The following CNGA4 variants were observed in gnomAD, a reference collection of about 807,000 sequenced individuals.
The protein encoded by CNGA4 is cyclic nucleotide-gated channel alpha-4.
In CNGA4, 32 loss-of-function variants were observed where a neutral mutation model predicts 45.6. The ratio of observed to expected loss-of-function variants is 0.70; its 90% confidence interval spans 0.53 to 0.94. The LOEUF is 0.94. Among genes scored for constraint, CNGA4 ranks in the 40% least tolerant of loss-of-function variants. The probability of loss-of-function intolerance (pLI) is 0.00; values close to 1 mark genes in which losing one functional copy is unlikely to be tolerated. For synonymous variants in CNGA4, 293 were observed against 304.6 expected (o/e 0.96, Z 0.40); for missense variants, 726 against 755.1 (o/e 0.96, Z 0.45).
In CNGA4 at chr11:6,239,111, C is replaced by G; in HGVS notation, c.-96C>G. The G allele has an allele frequency of 6.2e-7, 1 of 1,603,060 alleles. No homozygotes were observed. Among genetic ancestry groups the G allele is most frequent in the Non-Finnish European group, 8.5e-7 (1 of 1,175,236 alleles). ...CACAGCAGAAGCCCAACAGCAGCCT[C>G]CTTCAGGCAGTCAGGCACTAGTGCC... On this transcript the variant is annotated 5_prime_UTR_variant, in exon 1 of 6. Transcript: ENST00000379936.
chr11:6,235,569 C>T (rs1847821175), upstream of CNGA4: 5 of 980,266 alleles, frequency 5.1e-6, no homozygotes, highest in Non-Finnish European at 2.4e-6. Flanking sequence ...GTGTCTAAGC[C>T]GAGTCTTGGG....
rs766790692 is a variant in CNGA4, at chr11:6,241,506, G to A, written c.993G>A (p.Arg331=). 2 of 1,613,550 alleles carry A rather than the reference G, an allele frequency of 1.2e-6. No individual in the cohort carries two copies. The highest frequency in any genetic ancestry group is 1.7e-4 in the Middle Eastern group (1 of 6,060). Residue 331 remains arginine (R), a synonymous_variant, in exon 5 of 6, where the codon CGG becomes CGA. Coordinates refer to ENST00000379936, the MANE Select transcript of CNGA4 (RefSeq NM_001037329.4). ...TACAGCACTTGCCTGAGCGGCTGCG[G>A]GCAGAAGTGGCTGTGTCTGTGCACC... ...AILQHLPERL[R]AEVAVSVHLS...
upstream of CNGA4, chr11:6,238,976 G>A: frequency 7.5e-7 from 1 of 1,334,734 alleles, no homozygotes. Context: ...CTGGGCAGGT[G>A]TAAGCCCAGG....
rs1282493256 is a variant in CNGA4, at chr11:6,241,545, C to A, written c.1032C>A (p.Ser344Arg). Reference sequence around the variant, plus strand: ...TGTCTGTGCACCTGTCCACTCTGAGCCGGGTGCAGATCTTTCAGAACTGTG... The same window carrying A: ...TGTCTGTGCACCTGTCCACTCTGAGACGGGTGCAGATCTTTCAGAACTGTG... ...VAVSVHLSTL[S>R]RVQIFQNCEA... Residue 344 changes from serine to arginine, a missense_variant, in exon 5 of 6, where the codon AGC (serine) becomes AGA (arginine). Transcript: ENST00000379936. The A allele has an allele frequency of 1.1e-5, 17 of 1,614,160 alleles. No individual in the cohort carries two copies. Among genetic ancestry groups the A allele is most frequent in the Non-Finnish European group, 1.4e-5 (17 of 1,180,034 alleles).
chr11:6,240,626 G>T lies in CNGA4; in HGVS notation c.832G>T (p.Ala278Ser). ...CTACAACATGAACACTGCAGATGCG[G>T]CTTTCTACCCAGATCATGCACTGGT... ...VIYNMNTADA[A>S]FYPDHALVKK... The change falls in exon 4 of 6, where the codon GCT (alanine) becomes TCT (serine). Residue 278 changes from alanine to serine, a missense_variant. Transcript: ENST00000379936. The surrounding 1 kb of genome is among the most constrained non-coding windows in gnomAD (Gnocchi z 4.9). 1 of 1,614,216 alleles carries T rather than the reference G, an allele frequency of 6.2e-7. No homozygotes were observed. The highest frequency in any genetic ancestry group is 8.5e-7 in the Non-Finnish European group (1 of 1,180,036).
chr11:6,239,478 G>A lies in CNGA4; in HGVS notation c.157G>A (p.Val53Met), dbSNP rs760471518. 95 of 1,613,972 alleles carry A rather than the reference G, an allele frequency of 5.9e-5. No homozygotes were observed. Among genetic ancestry groups the A allele is most frequent in the Non-Finnish European group, 7.5e-5 (89 of 1,179,996 alleles). Residue 53 changes from valine (V) to methionine (M), a missense_variant, in exon 2 of 6, where the codon GTG becomes ATG. Val to Met is a conservative substitution (Grantham distance 21). Transcript: ENST00000379936. The part of the protein sequence containing the change: ...FPVMYNLIIL[V>M]CRACFPDLQH... Reference sequence around the variant, plus strand: ...AGTCATGTATAACCTCATCATCCTCGTGTGCAGGTATGGCAGCGGTGCTAA... The same window carrying A: ...AGTCATGTATAACCTCATCATCCTCATGTGCAGGTATGGCAGCGGTGCTAA...
Position 6,240,855 on chromosome 11 carries a change from GGAAAAA to G in CNGA4, c.917+146_917+151del, listed in dbSNP as rs1847908412. 3 of 987,714 alleles carry G rather than the reference GGAAAAA, an allele frequency of 3.0e-6. No individual in the cohort carries two copies. The highest frequency in any genetic ancestry group is 4.4e-6 in the Non-Finnish European group (3 of 678,726). The allele number at this position is 987,714 out of a possible 1,614,324, so 61.2% of individuals were successfully genotyped here. ...GCCGTGGGTTTGCTGGCTGGGGCTT[GGAAAAA>G]GGGAACTTCTTTCAACTGAGGGAAT... On this transcript the variant is annotated intron_variant, in intron 4 of 5. Coordinates refer to ENST00000379936, the MANE Select transcript of CNGA4 (RefSeq NM_001037329.4). The surrounding 1 kb of genome is among the most constrained non-coding windows in gnomAD (Gnocchi z 4.9).
At chr11:6,238,772 G>A (rs1183372040), upstream of CNGA4, among the ~76,000 whole-genome samples, 1 of 152,192 alleles carries the variant, frequency 6.6e-6, no homozygotes, top group Non-Finnish European at 1.5e-5. Flanking sequence ...TAAATAGTGA[G>A]GCCCAAATAG....
upstream of CNGA4, among the ~76,000 whole-genome samples, chr11:6,236,334 GA>G (rs1468159673): frequency 1.3e-5 from 2 of 152,132 alleles, no homozygotes; most frequent in African/African-American, 4.8e-5. Flanking sequence ...TTATTTTTGG[GA>G]TGATAGCTAT....
chr11:6,237,666 G>A (rs1397393021), upstream of CNGA4, among the ~76,000 whole-genome samples: 1 of 152,032 alleles, frequency 6.6e-6, no homozygotes, highest in Non-Finnish European at 1.5e-5. Flanking sequence ...TATTCATTTT[G>A]TTGCATTACT....
upstream of CNGA4, among the ~76,000 whole-genome samples, chr11:6,236,003 CATTGTGCTATA>C (rs1328073977): frequency 6.6e-6 from 1 of 151,730 alleles, no homozygotes; most frequent in Non-Finnish European, 1.5e-5. Context: ...TGGTTTTTAT[CATTGTGCTATA>C]GTTATGTAAG....
chr11:6,234,811 G>A (rs1345935732), upstream of CNGA4: 1 of 152,768 alleles, frequency 6.5e-6, no homozygotes, highest in South Asian at 2.1e-4. Flanking sequence ...GTCGCCGACG[G>A]CTATCCGAGG....
intron 2 of CNGA4, 58 bp downstream of exon 2, chr11:6,239,543 C>G: frequency 6.3e-7 from 1 of 1,586,160 alleles, no homozygotes; most frequent in Non-Finnish European, 8.7e-7. Flanking sequence ...AAAGAGAGGT[C>G]AAGGAGAAGG....
chr11:6,234,861 C>G (rs950528451), upstream of CNGA4: 5 of 152,758 alleles, frequency 3.3e-5, no homozygotes. Context: ...TCCCTTCGTA[C>G]GTAAACCCCG....
rs1847916664 is a variant in CNGA4 at position 6,241,463 on chromosome 11, C to A, written c.950C>A (p.Thr317Asn). ...CACCTGCAGATCAACAAGAAGATGA[C>A]CAACGAGGTAGCCATCTTACAGCAC... ...YQHLQINKKM[T>N]NEVAILQHLP... The change falls in exon 5 of 6, where the codon ACC becomes AAC. Residue 317 changes from threonine to asparagine, a missense_variant. Physicochemically the swap from Thr to Asn is moderately conservative, Grantham distance 65 (BLOSUM62 0). Transcript: ENST00000379936. The A allele has an allele frequency of 6.3e-7, 1 of 1,595,890 alleles. No homozygotes were observed. The highest frequency in any genetic ancestry group is 1.3e-5 in the African/African-American group (1 of 74,808).
chr11:6,241,495 G>A lies in CNGA4; in HGVS notation c.982G>A (p.Glu328Lys), dbSNP rs776628669. 1.2e-6 allele frequency: 2 copies of A among 1,612,724 alleles called. No homozygotes were observed. The highest frequency in any genetic ancestry group is 2.2e-5 in the East Asian group (1 of 44,862). Reference sequence around the variant, plus strand: ...GGTAGCCATCTTACAGCACTTGCCTGAGCGGCTGCGGGCAGAAGTGGCTGT... The same window carrying A: ...GGTAGCCATCTTACAGCACTTGCCTAAGCGGCTGCGGGCAGAAGTGGCTGT... ...NEVAILQHLP[E>K]RLRAEVAVSV... Residue 328 changes from glutamate (E) to lysine (K), a missense_variant, in exon 5 of 6, where the codon GAG (glutamate) becomes AAG (lysine). Transcript: ENST00000379936.
chr11:6,244,579 T>TACC (rs1847966728), downstream of CNGA4: 1 of 448,272 alleles, frequency 2.2e-6, no homozygotes, highest in African/African-American at 2.5e-5. The surrounding 1 kb of genome is among the most constrained non-coding windows in gnomAD (Gnocchi z 4.5). Flanking sequence ...AGCCCCCACT[T>TACC]ACCAGTACAC....
Position 6,239,390 on chromosome 11 carries a change from G to A in CNGA4, c.69G>A (p.Leu23=), listed in dbSNP as rs1195399932. The A allele has an allele frequency of 2.5e-6, 4 of 1,613,976 alleles. No homozygotes were observed. Among genetic ancestry groups the A allele is most frequent in the Non-Finnish European group, 3.4e-6 (4 of 1,179,902 alleles). The change falls in exon 2 of 6, where the codon TTG becomes TTA. Residue 23 remains leucine (L), a synonymous_variant. Transcript: ENST00000379936. ...SPPAPSKARK[L]LPVLDPSGDY... Reference sequence around the variant, plus strand: ...AAGACTTTCTTTCTTACAGGAAGTTGCTGCCTGTCCTGGACCCATCTGGGG... The same window carrying A: ...AAGACTTTCTTTCTTACAGGAAGTTACTGCCTGTCCTGGACCCATCTGGGG...
At chr11:6,238,997 C>A, upstream of CNGA4, 1 of 1,405,800 alleles carries the variant, frequency 7.1e-7, no homozygotes. Context: ...CCCTGGGAGA[C>A]AGGGCAGAGT....
Sources: allele counts gnomAD v4.1 joint callset (sites outside exome capture counted in the v4.1 genomes callset), GRCh38; gene constraint gnomAD v4.1.1; non-coding constraint Gnocchi (gnomAD v3.1); transcripts MANE v1.5; gene names NCBI Gene and HGNC (gene_info 2026-07-23, HGNC 2026-07-21).